Variants in FRMD4A observed in about 807,000 individuals in gnomAD.
FRMD4A encodes FERM domain-containing protein 4A.
FRMD4A carries 29 observed loss-of-function variants against 129.1 expected under a neutral mutation model. That is an observed-to-expected ratio of 0.22 (90% CI 0.17 to 0.31). The LOEUF is 0.31. Among genes scored for constraint, FRMD4A ranks in the 10% least tolerant of loss-of-function variants. The probability of loss-of-function intolerance (pLI) is 1.00; values close to 1 mark genes in which losing one functional copy is unlikely to be tolerated. For missense variants in FRMD4A, 1,272 were observed against 1,375.8 expected (o/e 0.92, Z 1.19); for synonymous variants, 634 against 571.6 (o/e 1.11, Z -1.56).
chr10:14,062,439 G>T (rs572895170), intron 2 of FRMD4A, among the ~76,000 whole-genome samples: 21 of 152,258 alleles, frequency 1.4e-4, no homozygotes, highest in Non-Finnish European at 3.1e-4. Flanking sequence ...CATAGTCAGG[G>T]GCTTTGTGGC....
At chr10:13,783,487 C>A (rs2092784141) in intron 5 of FRMD4A, among the ~76,000 whole-genome samples, 1 of 151,870 alleles carries the variant, frequency 6.6e-6, no homozygotes, top group African/African-American at 2.4e-5. Context: ...CAGGCTCAAG[C>A]AACCTTCCCG....
chr10:13,862,363 C>T (rs2094306475), intron 2 of FRMD4A, among the ~76,000 whole-genome samples: 1 of 152,094 alleles, frequency 6.6e-6, no homozygotes. Flanking sequence ...ATCATTTTCT[C>T]GAAATATTTC....
At chr10:14,118,248 G>T (rs1737009587) in intron 2 of FRMD4A, among the ~76,000 whole-genome samples, 7 of 152,172 alleles carry the variant, frequency 4.6e-5, no homozygotes. Context: ...TGCCTCCACT[G>T]CCAGAGTTAA....
At chr10:13,946,898 C>T (rs12240404) in intron 2 of FRMD4A, among the ~76,000 whole-genome samples, 16,948 of 152,060 alleles carry the variant, frequency 0.11, 1,022 homozygotes, top group African/African-American at 0.14. Context: ...CCTCGGGGAG[C>T]TTATGGCACA....
At chr10:14,124,483 C>A (rs1158611028) in intron 2 of FRMD4A, among the ~76,000 whole-genome samples, 4 of 152,144 alleles carry the variant, frequency 2.6e-5, no homozygotes, top group South Asian at 2.1e-4. Flanking sequence ...CGAGACCAGC[C>A]TGGCCAATAT....
At chr10:14,017,405 CG>C (rs1442134518) in intron 2 of FRMD4A, among the ~76,000 whole-genome samples, 1 of 152,186 alleles carries the variant, frequency 6.6e-6, no homozygotes, top group African/African-American at 2.4e-5. Flanking sequence ...ATATAAATAA[CG>C]TCCTTATCTA....
At chr10:14,265,978 T>C (rs1442318832) in intron 2 of FRMD4A, among the ~76,000 whole-genome samples, 1 of 152,136 alleles carries the variant, frequency 6.6e-6, no homozygotes, top group Non-Finnish European at 1.5e-5. Context: ...GAAGAATGAA[T>C]GATCAAGGTG....
Position 13,716,416 on chromosome 10 carries a change from C to T in FRMD4A, c.760-9303G>A, listed in dbSNP as rs1342535222. On this transcript the variant is annotated intron_variant, in intron 12 of 24. Coordinates refer to ENST00000357447, the MANE Select transcript of FRMD4A (RefSeq NM_018027.5). The stretch of plus-strand genomic sequence containing the variant: ...CCAAACAATGACGGCAGATCACTGG[C>T]TTCCTAAATGGGTCTGAGGATGTCC... Among the ~76,000 whole-genome samples the T allele has an allele frequency of 2.6e-4, 40 of 152,188 alleles. 1 individual carries two copies. Among genetic ancestry groups the T allele is most frequent in the Admixed American group, 2.6e-3 (40 of 15,280 alleles).
intron 2 of FRMD4A, among the ~76,000 whole-genome samples, chr10:14,205,061 CTTTT>C (rs57239612): frequency 6.2e-5 from 6 of 97,538 alleles, no homozygotes; most frequent in Admixed American, 2.1e-4. Flanking sequence ...TCTTTTCTTT[CTTTT>C]TTTTTTTTTT....
intron 2 of FRMD4A, among the ~76,000 whole-genome samples, chr10:14,156,333 A>T (rs1465536337): frequency 1.3e-5 from 2 of 152,202 alleles, no homozygotes; most frequent in African/African-American, 4.8e-5. Context: ...CCCATTTTGA[A>T]TGAGTTATAA....
rs549588662 is a variant in FRMD4A, at chr10:13,839,697, C to T, written c.111+19150G>A. Among the ~76,000 whole-genome samples, 11 of 152,316 alleles carry T rather than the reference C, an allele frequency of 7.2e-5. No individual in the cohort carries two copies. In the East Asian group the frequency reaches 9.6e-4, roughly 13 times the overall value. On this transcript the variant is annotated intron_variant, in intron 3 of 24. Transcript: ENST00000357447. ...CAAGCCAGGCCCACATCATAGCTCA[C>T]GGCATACAGGCTCCTGGTTCAGGAA... is the stretch of plus-strand genomic sequence containing the variant.
chr10:13,911,507 T>G (rs2094940133), intron 2 of FRMD4A, among the ~76,000 whole-genome samples: 1 of 152,200 alleles, frequency 6.6e-6, no homozygotes, highest in Non-Finnish European at 1.5e-5. Context: ...TTTTTGACAT[T>G]TTCACCTGCA....
At chr10:14,209,718 C>CA (rs34707420) in intron 2 of FRMD4A, among the ~76,000 whole-genome samples, 39,031 of 108,298 alleles carry the variant, frequency 0.36, 7,100 homozygotes, top group African/African-American at 0.5. Flanking sequence ...GAGACTGTCT[C>CA]AAAAAAAAAA....
intron 2 of FRMD4A, among the ~76,000 whole-genome samples, chr10:14,293,478 AAG>A (rs1845911914): frequency 6.6e-6 from 1 of 152,232 alleles, no homozygotes; most frequent in Admixed American, 6.5e-5. Flanking sequence ...GAGTTTACAA[AAG>A]AGTAAATGCA....
At chr10:14,043,162 T>C (rs941531454) in intron 2 of FRMD4A, among the ~76,000 whole-genome samples, 1 of 152,172 alleles carries the variant, frequency 6.6e-6, no homozygotes, top group African/African-American at 2.4e-5. Flanking sequence ...GTTATCTATG[T>C]GTTGACAAAA....
intron 12 of FRMD4A, among the ~76,000 whole-genome samples, chr10:13,717,203 A>G (rs1234151087): frequency 2.0e-5 from 3 of 152,248 alleles, no homozygotes; most frequent in Non-Finnish European, 4.4e-5. Flanking sequence ...TCAAAGGGGA[A>G]TTAATCAATC....
At chr10:13,748,273 T>C (rs933227872) in intron 8 of FRMD4A, among the ~76,000 whole-genome samples, 2 of 152,218 alleles carry the variant, frequency 1.3e-5, no homozygotes, top group Admixed American at 1.3e-4. Context: ...GCATTTGCGC[T>C]GCTAATACAC....
At chr10:13,774,133 A>T (rs1341284180) in intron 6 of FRMD4A, among the ~76,000 whole-genome samples, 1 of 152,196 alleles carries the variant, frequency 6.6e-6, no homozygotes, top group Non-Finnish European at 1.5e-5. Context: ...CCTATTCCAC[A>T]CTTCCTCCTG....
chr10:14,016,550 C>G (rs970762377), intron 2 of FRMD4A, among the ~76,000 whole-genome samples: 24 of 152,328 alleles, frequency 1.6e-4, no homozygotes, highest in African/African-American at 5.1e-4. Context: ...GGCCATCCGG[C>G]TTAGCCACCT....
Sources: allele counts gnomAD v4.1 joint callset (sites outside exome capture counted in the v4.1 genomes callset), GRCh38; gene constraint gnomAD v4.1.1; transcripts MANE v1.5; gene names NCBI Gene and HGNC (gene_info 2026-07-23, HGNC 2026-07-21).